Variants in ROBO2 observed in about 807,000 individuals in gnomAD.
ROBO2 encodes the protein roundabout guidance receptor 2.
ROBO2 carries 53 observed loss-of-function variants against 160.8 expected under a neutral mutation model. The observed-to-expected ratio is 0.33, with a 90% confidence interval of 0.26 to 0.41. The LOEUF is 0.41. Among genes scored for constraint, ROBO2 ranks in the 10% least tolerant of loss-of-function variants. The pLI is 1.00. For synonymous variants in ROBO2, 664 were observed against 611.7 expected (o/e 1.09, Z -1.26); for missense variants, 1,577 against 1,722.4 (o/e 0.92, Z 1.49).
intron 2 of ROBO2, among the ~76,000 whole-genome samples, chr3:76,169,662 TAATC>T (rs1297467729): frequency 6.6e-6 from 1 of 152,228 alleles, no homozygotes; most frequent in African/African-American, 2.4e-5. Flanking sequence ...TAATAATAAA[TAATC>T]ATTGATAATA....
At chr3:75,929,439 TAAAAC>T (rs796796678) in intron 1 of ROBO2, among the ~76,000 whole-genome samples, 6 of 152,338 alleles carry the variant, frequency 3.9e-5, no homozygotes, top group African/African-American at 1.4e-4. Flanking sequence ...GTAATTATCT[TAAAAC>T]AAAACTTGCT....
At chr3:77,644,603 A>G in intron 24 of ROBO2, 101 bp from the exon 27 acceptor site, 2 of 1,012,694 alleles carry the variant, frequency 2.0e-6, no homozygotes, top group Non-Finnish European at 3.0e-6. Flanking sequence ...AAAGAATGAA[A>G]TGGTAAAGTA....
At chr3:77,494,448 C>T (rs1194820497) in intron 5 of ROBO2, among the ~76,000 whole-genome samples, 4 of 151,942 alleles carry the variant, frequency 2.6e-5, no homozygotes, top group Admixed American at 2.0e-4. Flanking sequence ...TGTGGTGGCA[C>T]ATACCTGTAA....
At chr3:75,955,696 T>C (rs1445530631) in intron 2 of ROBO2, among the ~76,000 whole-genome samples, 1 of 151,738 alleles carries the variant, frequency 6.6e-6, no homozygotes, top group Non-Finnish European at 1.5e-5. Flanking sequence ...TCTATACACT[T>C]CATTGCCATT....
At chr3:76,190,640 A>G (rs1432952111) in intron 2 of ROBO2, among the ~76,000 whole-genome samples, 1 of 152,110 alleles carries the variant, frequency 6.6e-6, no homozygotes, top group African/African-American at 2.4e-5. Flanking sequence ...TTTAGCCTAT[A>G]TTTACACCTT....
chr3:77,146,225 G>A (rs2077109928), intron 2 of ROBO2, among the ~76,000 whole-genome samples: 2 of 152,142 alleles, frequency 1.3e-5, no homozygotes, highest in South Asian at 4.1e-4. Context: ...CCTGCTCCCA[G>A]CACCTGTTTG....
intron 2 of ROBO2, among the ~76,000 whole-genome samples, chr3:76,100,185 A>G (rs1047476634): frequency 1.3e-5 from 2 of 152,208 alleles, no homozygotes; most frequent in African/African-American, 4.8e-5. Context: ...TTTGAAGTCT[A>G]GGTACTGACT....
At chr3:76,284,033 T>C (rs1269851823) in intron 2 of ROBO2, among the ~76,000 whole-genome samples, 1 of 152,058 alleles carries the variant, frequency 6.6e-6, no homozygotes, top group African/African-American at 2.4e-5. Context: ...TAAATGACCC[T>C]ACCATTCTAA....
chr3:76,867,690 TA>T (rs2071523772), intron 2 of ROBO2, among the ~76,000 whole-genome samples: 1 of 152,196 alleles, frequency 6.6e-6, no homozygotes, highest in African/African-American at 2.4e-5. Flanking sequence ...AAAGATTTTC[TA>T]AAAATAAAAG....
chr3:76,693,245 T>TA (rs2092848068), intron 2 of ROBO2, among the ~76,000 whole-genome samples: 1 of 137,286 alleles, frequency 7.3e-6, no homozygotes, highest in African/African-American at 2.9e-5. Context: ...TATATACATA[T>TA]ATGTGTATAT....
chr3:76,139,088 T>C (rs938813196), intron 2 of ROBO2, among the ~76,000 whole-genome samples: 12 of 152,148 alleles, frequency 7.9e-5, no homozygotes, highest in Admixed American at 2.6e-4. Context: ...CACAAAACAC[T>C]AAATGTATTA....
At chr3:76,903,094 A>T (rs1559677789) in intron 2 of ROBO2, among the ~76,000 whole-genome samples, 1 of 152,074 alleles carries the variant, frequency 6.6e-6, no homozygotes, top group African/African-American at 2.4e-5. Context: ...ATATTATAGT[A>T]CAGTTTTCTT....
chr3:76,256,915 G>A (rs1362607525), intron 2 of ROBO2, among the ~76,000 whole-genome samples: 1 of 151,892 alleles, frequency 6.6e-6, no homozygotes, highest in Non-Finnish European at 1.5e-5. Flanking sequence ...GTAAGAAGGG[G>A]AGCAAGAGAG....
chr3:75,998,542 A>G (rs1356856909), intron 2 of ROBO2, among the ~76,000 whole-genome samples: 2 of 152,234 alleles, frequency 1.3e-5, no homozygotes, highest in African/African-American at 4.8e-5. Context: ...TGCAAAGCTA[A>G]GATAAATTTT....
chr3:76,846,859 G>T (rs1203138188), intron 2 of ROBO2, among the ~76,000 whole-genome samples: 3 of 151,968 alleles, frequency 2.0e-5, no homozygotes, highest in Admixed American at 6.6e-5. Flanking sequence ...ACCAATACTG[G>T]TCTGTAGCTA....
At chr3:76,915,010 A>G (rs1362827635) in intron 2 of ROBO2, among the ~76,000 whole-genome samples, 1 of 152,218 alleles carries the variant, frequency 6.6e-6, no homozygotes, top group Non-Finnish European at 1.5e-5. Context: ...TTTTTCAGAG[A>G]AACTTCCTCT....
chr3:77,471,567 T>C (rs1232319595), intron 2 of ROBO2, among the ~76,000 whole-genome samples: 1 of 152,156 alleles, frequency 6.6e-6, no homozygotes, highest in Non-Finnish European at 1.5e-5. Flanking sequence ...TCAGAGAAAG[T>C]ATATGAAAAG....
chr3:77,038,119 T>A (rs35178241), upstream of ROBO2, among the ~76,000 whole-genome samples: 155 of 152,336 alleles, frequency 1.0e-3, no homozygotes, highest in African/African-American at 3.4e-3. Context: ...TAAACCACAG[T>A]GTTATCCAAT....
intron 2 of ROBO2, among the ~76,000 whole-genome samples, chr3:76,674,598 T>TCACA (rs71104613): frequency 0.067 from 9,887 of 147,884 alleles, 434 homozygotes; most frequent in African/African-American, 0.12. Flanking sequence ...ACCTCCTAGT[T>TCACA]CACACACACA....
Sources: gnomAD v4.1 joint callset for allele counts (sites outside exome capture counted in the v4.1 genomes callset) on GRCh38, gnomAD v4.1.1 for gene constraint, MANE v1.5 for transcripts, NCBI Gene and HGNC (gene_info 2026-07-23, HGNC 2026-07-21) for gene names.